Variants in PRKAG2 observed in about 807,000 individuals in gnomAD.
The protein encoded by PRKAG2 is protein kinase AMP-activated non-catalytic subunit gamma 2, also known as 5'-AMP-activated protein kinase subunit gamma-2.
PRKAG2 carries 26 observed loss-of-function variants against 69.6 expected under a neutral mutation model. The ratio of observed to expected loss-of-function variants is 0.37; its 90% CI spans 0.27 to 0.52. PRKAG2 has a LOEUF of 0.52. Ranked by LOEUF, PRKAG2 falls within the 20% of genes least tolerant of loss-of-function variation. The pLI, the probability that PRKAG2 is intolerant of heterozygous loss-of-function variation, is 0.90. For missense variants in PRKAG2, 557 were observed against 740.0 expected (o/e 0.75, Z 2.87); for synonymous variants, 293 against 285.0 (o/e 1.03, Z -0.28).
intron 1 of PRKAG2, among the ~76,000 whole-genome samples, chr7:151,820,984 G>T (rs527991380): frequency 8.6e-4 from 2 of 2,328 alleles, no homozygotes; most frequent in Non-Finnish European, 4.6e-3. Context: ...ATGCTGCATT[G>T]CTGGGACCCA....
At chr7:151,573,840 G>A (rs1227029842) in intron 8 of PRKAG2, among the ~76,000 whole-genome samples, 6 of 152,104 alleles carry the variant, frequency 3.9e-5, no homozygotes, top group African/African-American at 1.4e-4. Context: ...GTGCAATGGC[G>A]CGATCTCGGC....
At chr7:151,652,282 G>A (rs1164717299) in intron 4 of PRKAG2, among the ~76,000 whole-genome samples, 2 of 152,096 alleles carry the variant, frequency 1.3e-5, no homozygotes, top group African/African-American at 4.8e-5. Context: ...TCTGAGGCTC[G>A]ATTTTCTTCA....
intron 4 of PRKAG2, among the ~76,000 whole-genome samples, chr7:151,666,980 A>C (rs1210193870): frequency 6.6e-6 from 1 of 152,170 alleles, no homozygotes; most frequent in Non-Finnish European, 1.5e-5. Context: ...AACCCTGCCA[A>C]CTGACAACCT....
At chr7:151,616,725 G>A (rs1403672300) in intron 5 of PRKAG2, among the ~76,000 whole-genome samples, 1 of 152,242 alleles carries the variant, frequency 6.6e-6, no homozygotes, top group African/African-American at 2.4e-5. Context: ...GAGCCTTCAC[G>A]GCCAAGGGGA....
At position 151,557,885 on chromosome 7, in the gene PRKAG2, AAAAAAC is replaced by A. The variant is rs1306332642; in HGVS notation, c.1679-659_1679-654del. 3 of 976,154 alleles carry A rather than the reference AAAAAAC, an allele frequency of 3.1e-6. No individual in the cohort carries two copies. In the African/African-American group the frequency reaches 5.3e-5, roughly 17 times the overall value. 60.5% of individuals were successfully genotyped at this position (976,154 alleles called of 1,614,324 possible). On this transcript the variant is annotated intron_variant, in intron 15 of 15. Coordinates refer to ENST00000287878, the MANE Select transcript of PRKAG2 (RefSeq NM_016203.4). Reference sequence around the variant, plus strand: ...GAAACTCCGTCTCAAATAAAAAAAAAAAAAACAAAAAAACAAAAAAAAAACCTTTAT... The same window carrying A: ...GAAACTCCGTCTCAAATAAAAAAAAAAAAAAAACAAAAAAAAAACCTTTAT...
intron 1 of PRKAG2, among the ~76,000 whole-genome samples, chr7:151,848,418 C>G (rs1168325635): frequency 6.6e-6 from 1 of 151,592 alleles, no homozygotes; most frequent in Non-Finnish European, 1.5e-5. Context: ...TTTCCAGCCT[C>G]CAGAACTGGA....
At chr7:151,601,931 G>C (rs2151168744) in intron 5 of PRKAG2, among the ~76,000 whole-genome samples, 1 of 152,354 alleles carries the variant, frequency 6.6e-6, no homozygotes, top group South Asian at 2.1e-4. Context: ...AATAGCAGCG[G>C]CTGTCAGGGA....
At chr7:151,853,819 T>A (rs1396658568) in intron 1 of PRKAG2, among the ~76,000 whole-genome samples, 1 of 150,862 alleles carries the variant, frequency 6.6e-6, no homozygotes, top group Non-Finnish European at 1.5e-5. Flanking sequence ...CCTAATATTA[T>A]CACCTGCTCT....
At chr7:151,736,198 G>A (rs953168349) in intron 3 of PRKAG2, 27 of 1,411,006 alleles carry the variant, frequency 1.9e-5, no homozygotes, top group Middle Eastern at 2.6e-4. Flanking sequence ...CCTCACCGCA[G>A]CCCCAGAGTC....
chr7:151,640,782 T>A (rs1826539842), intron 4 of PRKAG2, among the ~76,000 whole-genome samples: 1 of 152,206 alleles, frequency 6.6e-6, no homozygotes, highest in Non-Finnish European at 1.5e-5. Context: ...GGGATTTACT[T>A]TTCTGTTTCC....
At chr7:151,715,610 C>A (rs1796061443) in intron 3 of PRKAG2, among the ~76,000 whole-genome samples, 1 of 152,150 alleles carries the variant, frequency 6.6e-6, no homozygotes, top group South Asian at 2.1e-4. Context: ...CCTGCCTCGG[C>A]CTCCCAAAGT....
rs187292772 is a variant in PRKAG2, at chr7:151,609,810, A to G, written c.755-14356T>C. Among the ~76,000 whole-genome samples, 457 of 152,308 alleles carry G rather than the reference A, an allele frequency of 3.0e-3. 1 individual carries two copies. Among genetic ancestry groups the G allele is most frequent in the African/African-American group, 0.01 (430 of 41,558 alleles). Reference sequence around the variant, plus strand: ...AGGGGTTGGCCTCAACTAGAAAAGGAAGCTTCTAACGTGAGAAGAAAAGAA... The same window carrying G: ...AGGGGTTGGCCTCAACTAGAAAAGGGAGCTTCTAACGTGAGAAGAAAAGAA... On this transcript the variant is annotated intron_variant, in intron 5 of 15. Transcript: ENST00000287878.
At chr7:151,831,586 G>T (rs185017397) in intron 1 of PRKAG2, among the ~76,000 whole-genome samples, 2 of 152,208 alleles carry the variant, frequency 1.3e-5, no homozygotes, top group African/African-American at 4.8e-5. Context: ...GGTCAGCGGA[G>T]TTCTGGGCCA....
chr7:151,868,099 G>A (rs1411689472), intron 1 of PRKAG2, among the ~76,000 whole-genome samples: 1 of 152,214 alleles, frequency 6.6e-6, no homozygotes, highest in Non-Finnish European at 1.5e-5. Context: ...TCAAAACACA[G>A]AGGCCCTGGC....
chr7:151,833,177 G>T (rs900036501), intron 1 of PRKAG2, among the ~76,000 whole-genome samples: 1 of 152,214 alleles, frequency 6.6e-6, no homozygotes, highest in Non-Finnish European at 1.5e-5. Context: ...CAGAGAGCGC[G>T]TGAGTCTTTT....
intron 3 of PRKAG2, chr7:151,736,279 C>T: frequency 7.8e-7 from 1 of 1,279,354 alleles, no homozygotes; most frequent in Non-Finnish European, 9.9e-7. Context: ...GAGCGTCAGC[C>T]CGGCTGTCCT....
chr7:151,581,909 G>A (rs746732674), intron 6 of PRKAG2, among the ~76,000 whole-genome samples: 11 of 152,174 alleles, frequency 7.2e-5, no homozygotes, highest in Non-Finnish European at 8.8e-5. Flanking sequence ...TACTGTTTAC[G>A]GTGAGGCCAC....
chr7:151,751,286 AC>A (rs1245462200), intron 3 of PRKAG2, among the ~76,000 whole-genome samples: 3 of 150,682 alleles, frequency 2.0e-5, no homozygotes, highest in African/African-American at 7.3e-5. Context: ...TTATTTATTT[AC>A]TTATTTTTAG....
intron 1 of PRKAG2, among the ~76,000 whole-genome samples, chr7:151,818,778 G>A (rs1418807251): frequency 2.0e-5 from 3 of 152,196 alleles, no homozygotes; most frequent in Non-Finnish European, 2.9e-5. Context: ...CTGGGGATTC[G>A]GGGCACGGCA....
Sources: allele counts gnomAD v4.1 joint callset (sites outside exome capture counted in the v4.1 genomes callset), GRCh38; gene constraint gnomAD v4.1.1; transcripts MANE v1.5; gene names NCBI Gene and HGNC (gene_info 2026-07-23, HGNC 2026-07-21).